MYO10: variants seen among roughly 807,000 people sequenced by gnomAD.
MYO10 encodes the protein unconventional myosin-X.
In MYO10, 133 loss-of-function variants were observed where a neutral mutation model predicts 257.3. The ratio of observed to expected loss-of-function variants is 0.52; its 90% confidence interval spans 0.45 to 0.60. MYO10 has a LOEUF of 0.60. MYO10 is among the 20% of genes least tolerant of loss of function. MYO10 has a pLI of 0.00. For synonymous variants in MYO10, 1,104 were observed against 1,028.6 expected, an observed-to-expected ratio of 1.07 and a Z score of -1.40; for missense variants, 2,399 against 2,635.7, an observed-to-expected ratio of 0.91 and a Z score of 1.97.
At chr5:16,903,550 G>A (rs1745443687) in intron 1 of MYO10, among the ~76,000 whole-genome samples, 1 of 152,206 alleles carries the variant, frequency 6.6e-6, no homozygotes, top group Non-Finnish European at 1.5e-5. Context: ...TAGCTTTACT[G>A]ATTGGCTTTC....
At chr5:16,732,899 C>T (rs758462608) in intron 19 of MYO10, among the ~76,000 whole-genome samples, 4 of 152,072 alleles carry the variant, frequency 2.6e-5, no homozygotes, top group African/African-American at 4.8e-5. Flanking sequence ...TTTGGGAGGC[C>T]GAGGTGCGCA....
chr5:16,872,201 G>T (rs886788461), intron 2 of MYO10, among the ~76,000 whole-genome samples: 3 of 152,170 alleles, frequency 2.0e-5, no homozygotes, highest in Non-Finnish European at 4.4e-5. Context: ...TGTTGAGCTA[G>T]GAGCCTTTGT....
chr5:16,681,264 A>G (rs778270713), intron 32 of MYO10, 45 bp downstream of exon 32: 1 of 1,556,380 alleles, frequency 6.4e-7, no homozygotes, highest in Non-Finnish European at 8.7e-7. Context: ...GCAAGCCCAG[A>G]CTTTAAGATT....
rs557777626 is a variant in MYO10 at position 16,704,986 on chromosome 5, T to C, written c.2170-301A>G. 7.2e-5 allele frequency among the ~76,000 whole-genome samples: 11 copies of C among 152,332 alleles called. No individual in the cohort carries two copies. The South Asian group carries it at 2.3e-3, about 32-fold the overall frequency. On this transcript the variant is annotated intron_variant, in intron 21 of 40. Coordinates refer to ENST00000513610, the MANE Select transcript of MYO10 (RefSeq NM_012334.3). Reference sequence around the variant, plus strand: ...ATAAGATGACTACCAAATTGCTATCTAAGCTTCTCAACACTTAACACATCA... The same window carrying C: ...ATAAGATGACTACCAAATTGCTATCCAAGCTTCTCAACACTTAACACATCA...
chr5:16,840,643 T>C (rs546629593), intron 2 of MYO10, among the ~76,000 whole-genome samples: 25 of 152,198 alleles, frequency 1.6e-4, no homozygotes, highest in African/African-American at 5.1e-4. Context: ...TAAATGCATA[T>C]GTGTCTTCAC....
intron 1 of MYO10, among the ~76,000 whole-genome samples, chr5:16,894,022 A>C (rs1411965994): frequency 6.6e-6 from 1 of 151,564 alleles, no homozygotes. Flanking sequence ...ATTTTAGAAT[A>C]GTTTTAGATT....
intron 2 of MYO10, among the ~76,000 whole-genome samples, chr5:16,821,326 T>G (rs1742802049): frequency 6.7e-6 from 1 of 149,910 alleles, no homozygotes; most frequent in African/African-American, 2.4e-5. Context: ...AATAGCAAAA[T>G]CATGTATAGC....
chr5:16,895,187 T>C (rs777637428), intron 1 of MYO10, among the ~76,000 whole-genome samples: 3 of 152,244 alleles, frequency 2.0e-5, no homozygotes, highest in Non-Finnish European at 2.9e-5. Flanking sequence ...GAAGGATCCA[T>C]TTTTAATTCT....
chr5:16,691,576 G>A (rs910710348), intron 27 of MYO10, among the ~76,000 whole-genome samples: 2 of 151,774 alleles, frequency 1.3e-5, no homozygotes, highest in Admixed American at 1.3e-4. Flanking sequence ...GTGCACACCT[G>A]TAGTCCCAGC....
chr5:16,809,556 T>A (rs1742371986), intron 3 of MYO10, among the ~76,000 whole-genome samples: 1 of 152,254 alleles, frequency 6.6e-6, no homozygotes, highest in African/African-American at 2.4e-5. Context: ...TAGGCCTTTC[T>A]CTGGCTGATG....
intron 10 of MYO10, 44 bp downstream of exon 10, chr5:16,769,030 C>T (rs530856630): frequency 1.8e-5 from 28 of 1,551,302 alleles, no homozygotes; most frequent in South Asian, 6.2e-5. Flanking sequence ...AAGTTTCCCA[C>T]GGGGAACAAA....
At chr5:16,758,778 G>C (rs1740608607) in intron 17 of MYO10, among the ~76,000 whole-genome samples, 1 of 152,088 alleles carries the variant, frequency 6.6e-6, no homozygotes, top group Non-Finnish European at 1.5e-5. Flanking sequence ...ATCCCCTAAT[G>C]CCAGGTGAGA....
Position 16,677,411 on chromosome 5 carries a change from T to C in MYO10, c.4543-1257A>G, listed in dbSNP as rs548184688. Among the ~76,000 whole-genome samples the C allele has an allele frequency of 2.4e-4, 33 of 138,424 alleles. No individual in the cohort carries two copies. In the South Asian group the frequency reaches 7.5e-3, roughly 31 times the overall value. The allele number at this position is 138,424 out of a possible 152,430, so 90.8% of individuals were successfully genotyped here. On this transcript the variant is annotated intron_variant, in intron 33 of 40. Transcript: ENST00000513610. ...ATTTTATGGACTTATTTAGGGTAAC[T>C]TGACCTTTTTTTTTTTTTTTTTGAG...
chr5:16,754,798 A>G, intron 19 of MYO10, 30 bp downstream of exon 19: 1 of 1,530,044 alleles, frequency 6.5e-7, no homozygotes, highest in Non-Finnish European at 8.9e-7. Flanking sequence ...CTCGAGACAG[A>G]TCCCAGCCTA....
At chr5:16,917,958 G>T (rs1288548002) in intron 1 of MYO10, among the ~76,000 whole-genome samples, 1 of 152,178 alleles carries the variant, frequency 6.6e-6, no homozygotes, top group Non-Finnish European at 1.5e-5. Context: ...TATTTCTGCT[G>T]ATCTAACCAT....
At chr5:16,852,143 G>GTGGT (rs1371698607) in intron 2 of MYO10, among the ~76,000 whole-genome samples, 2 of 149,868 alleles carry the variant, frequency 1.3e-5, no homozygotes, top group African/African-American at 2.4e-5. Context: ...GGGAGGGAGG[G>GTGGT]TGGTTGGTTG....
intron 1 of MYO10, 82 bp from the exon 2 acceptor site, chr5:16,877,789 C>T (rs559148303): frequency 3.8e-5 from 37 of 982,530 alleles, no homozygotes; most frequent in South Asian, 3.4e-4. Flanking sequence ...ACCCTAACTC[C>T]TATATTCCTT....
intron 2 of MYO10, among the ~76,000 whole-genome samples, chr5:16,870,819 G>A (rs182792973): frequency 4.6e-5 from 7 of 152,126 alleles, no homozygotes; most frequent in African/African-American, 1.7e-4. Context: ...TTGAACCCAG[G>A]AGGCGGAGGC....
At position 16,681,343 on chromosome 5, in the gene MYO10, G is replaced by A. The variant is rs757937783; in HGVS notation, c.4350C>T (p.Val1450=). ...TGAATATCTTCTCATCTGGGGGGAC[G>A]ACAGAGCAGAGGCTGTTGAGGACCA... The part of the protein sequence containing the change: ...GTLVLNSLCS[V]VPPDEKIFKE... Residue 1450 remains valine (V), a synonymous_variant, in exon 32 of 41, where the codon GTC becomes GTT. Coordinates refer to ENST00000513610, the MANE Select transcript of MYO10 (RefSeq NM_012334.3). 3.0e-5 allele frequency: 48 copies of A among 1,613,252 alleles called. No individual in the cohort carries two copies. The highest frequency in any genetic ancestry group is 9.9e-5 in the South Asian group (9 of 90,914).
Sources: gnomAD v4.1 joint callset for allele counts (sites outside exome capture counted in the v4.1 genomes callset) on GRCh38, gnomAD v4.1.1 for gene constraint, MANE v1.5 for transcripts, NCBI Gene and HGNC (gene_info 2026-07-23, HGNC 2026-07-21) for gene names.